ACOT11: variants seen among roughly 807,000 people sequenced by gnomAD.
The protein encoded by ACOT11 is acyl-CoA thioesterase 11.
In ACOT11, 69 loss-of-function variants were observed where a neutral mutation model predicts 77.5. The observed-to-expected ratio is 0.89, with a 90% CI of 0.73 to 1.09. The LOEUF is 1.09. Ranked by LOEUF, ACOT11 falls within the 50% of genes least tolerant of loss-of-function variation. ACOT11 has a pLI of 0.00. For missense variants in ACOT11, 766 were observed against 813.7 expected (o/e 0.94, Z 0.71); for synonymous variants, 279 against 313.0 (o/e 0.89, Z 1.15).
intron 1 of ACOT11, among the ~76,000 whole-genome samples, chr1:54,560,481 C>A (rs917506124): frequency 5.9e-5 from 9 of 152,154 alleles, no homozygotes; most frequent in African/African-American, 2.2e-4. Flanking sequence ...TTGTCCTCAG[C>A]AAATGATATA....
chr1:54,595,972 T>G (rs1256036361), intron 6 of ACOT11, among the ~76,000 whole-genome samples: 2 of 152,192 alleles, frequency 1.3e-5, no homozygotes, highest in African/African-American at 4.8e-5. Context: ...CTACTGGGCT[T>G]GGAGGCCGGA....
downstream of ACOT11, chr1:54,610,531 T>C: frequency 1.2e-6 from 2 of 1,612,972 alleles, no homozygotes; most frequent in Non-Finnish European, 1.7e-6. Context: ...TCCCGTGTAG[T>C]ACATTGGTTT....
At chr1:54,617,577 C>T (rs566650180) in intron 15 of ACOT11, among the ~76,000 whole-genome samples, 12 of 151,976 alleles carry the variant, frequency 7.9e-5, no homozygotes, top group Non-Finnish European at 1.6e-4. Context: ...TTTCCAATTT[C>T]ATCTCACGTT....
At chr1:54,614,960 G>T, downstream of ACOT11, 1 of 1,202,620 alleles carries the variant, frequency 8.3e-7, no homozygotes, top group Non-Finnish European at 1.2e-6. Flanking sequence ...GTGTGCATGT[G>T]CGTGCACAGT....
intron 1 of ACOT11, among the ~76,000 whole-genome samples, chr1:54,572,577 G>A (rs1653961965): frequency 6.6e-6 from 1 of 152,292 alleles, no homozygotes; most frequent in East Asian, 1.9e-4. Flanking sequence ...TGAGGGGGGG[G>A]GTCACACGGA....
intron 1 of ACOT11, among the ~76,000 whole-genome samples, chr1:54,579,712 A>G (rs1163691811): frequency 6.6e-6 from 1 of 152,184 alleles, no homozygotes; most frequent in Non-Finnish European, 1.5e-5. Flanking sequence ...CCTGGGGCCC[A>G]CCTTCCAGTA....
In ACOT11 at chr1:54,601,411, GGCGTAAGTGGGACCA is replaced by G; in HGVS notation, c.1029+2_1029+16del. Reference sequence around the variant, plus strand: ...GCTGCCCTGGATTCGGCCCCAGCCCGGCGTAAGTGGGACCAGCGCCCTGCCCCACCAGCAGCTCCC... The same window carrying G: ...GCTGCCCTGGATTCGGCCCCAGCCCGGCGCCCTGCCCCACCAGCAGCTCCC... On this transcript the variant is annotated splice_donor_variant and splice_donor_5th_base_variant and coding_sequence_variant and intron_variant, in exon 9 of 16. Transcript: ENST00000343744. LOFTEE classifies it high-confidence loss of function. The G allele has an allele frequency of 6.2e-7, 1 of 1,611,458 alleles. No homozygotes were observed. The highest frequency in any genetic ancestry group is 8.5e-7 in the Non-Finnish European group (1 of 1,179,728).
chr1:54,558,505 G>A (rs988586924), intron 1 of ACOT11, among the ~76,000 whole-genome samples: 2 of 152,212 alleles, frequency 1.3e-5, no homozygotes, highest in Non-Finnish European at 2.9e-5. Context: ...GTGAGAGAAT[G>A]ATGAGGGGGT....
chr1:54,589,633 G>T (rs893741140), intron 3 of ACOT11, among the ~76,000 whole-genome samples: 4 of 151,906 alleles, frequency 2.6e-5, no homozygotes, highest in Non-Finnish European at 5.9e-5. Context: ...ACCATACCTG[G>T]CTAATTAAAT....
chr1:54,583,365 T>C (rs1172380531), intron 1 of ACOT11, among the ~76,000 whole-genome samples: 6 of 152,126 alleles, frequency 3.9e-5, no homozygotes, highest in African/African-American at 1.4e-4. Flanking sequence ...CTCGGAGTGC[T>C]TGAAATTGAA....
intron 15 of ACOT11, among the ~76,000 whole-genome samples, chr1:54,627,116 C>G (rs1400350758): frequency 7.4e-6 from 1 of 135,754 alleles, no homozygotes; most frequent in African/African-American, 2.5e-5. Context: ...CTCAGCCTCC[C>G]AAAGTGCTGG....
At chr1:54,548,859 CTGTCCTGCAAGG>C (rs1307776756) in intron 1 of ACOT11, among the ~76,000 whole-genome samples, 1 of 152,132 alleles carries the variant, frequency 6.6e-6, no homozygotes, top group Non-Finnish European at 1.5e-5. Context: ...CTGCGGAAAG[CTGTCCTGCAAGG>C]TGACCTTGAA....
chr1:54,595,909 G>A (rs1377910415), intron 6 of ACOT11, among the ~76,000 whole-genome samples: 2 of 152,180 alleles, frequency 1.3e-5, no homozygotes, highest in African/African-American at 4.8e-5. Flanking sequence ...GGCAGAACTC[G>A]CCAAGCCCAG....
At chr1:54,615,982 G>C (rs1262291777) in intron 15 of ACOT11, 10 of 1,607,728 alleles carry the variant, frequency 6.2e-6, no homozygotes, top group Non-Finnish European at 7.6e-6. Flanking sequence ...AGGGCCAGAG[G>C]GCTGGGGGCC....
rs186239242 is a variant in ACOT11 at position 54,584,897 on chromosome 1, C to G, written c.241+35C>G. On this transcript the variant is annotated intron_variant, in intron 2 of 15. Coordinates refer to ENST00000343744, the MANE Select transcript of ACOT11 (RefSeq NM_147161.4). The surrounding 1 kb of genome is among the most constrained non-coding windows in gnomAD (Gnocchi z 6.3). ...CGCTCCCCATGGTTCCCTACCTGCC[C>G]CACAGGCCCAGAGCAGGGGCCGTGC... is the stretch of plus-strand genomic sequence containing the variant. The G allele has an allele frequency of 3.6e-4, 578 of 1,583,704 alleles. 3 individuals carry two copies. The highest frequency in any genetic ancestry group is 2.6e-3 in the South Asian group (228 of 88,118).
Position 54,605,210 on chromosome 1 carries a change from G to C in ACOT11, c.1370+1G>C, listed in dbSNP as rs767533365. ...GGCCAGAGTGGGACAAGCACTACCG[G>C]TGAGGGGCCAGGGTGAGGGCAGGGC... On this transcript the variant is annotated splice_donor_variant, in intron 13 of 15. Transcript: ENST00000343744. LOFTEE classifies it high-confidence loss of function. 6.2e-7 allele frequency: 1 copy of C among 1,612,578 alleles called. No homozygotes were observed. The highest frequency in any genetic ancestry group is 8.5e-7 in the Non-Finnish European group (1 of 1,179,952).
At chr1:54,617,883 T>C (rs942379610) in intron 15 of ACOT11, among the ~76,000 whole-genome samples, 5 of 151,594 alleles carry the variant, frequency 3.3e-5, no homozygotes, top group South Asian at 2.1e-4. Context: ...ACCACCACCA[T>C]GCACGGCTAA....
intron 1 of ACOT11, among the ~76,000 whole-genome samples, chr1:54,579,596 A>G (rs1654232409): frequency 6.6e-6 from 1 of 152,176 alleles, no homozygotes; most frequent in African/African-American, 2.4e-5. Context: ...GAATTTAGTC[A>G]GCTCCCTCAT....
chr1:54,623,296 T>C, intron 15 of ACOT11: 1 of 1,613,818 alleles, frequency 6.2e-7, no homozygotes, highest in Non-Finnish European at 8.5e-7. Flanking sequence ...CGCAGGGTGA[T>C]GGCAAGGACT....
Sources: gnomAD v4.1 joint callset for allele counts (sites outside exome capture counted in the v4.1 genomes callset) on GRCh38, gnomAD v4.1.1 for gene constraint, Gnocchi (gnomAD v3.1) non-coding constraint, MANE v1.5 for transcripts, NCBI Gene and HGNC (gene_info 2026-07-23, HGNC 2026-07-21) for gene names.